The following SCLT1 variants were observed in gnomAD, a reference collection of about 807,000 sequenced individuals.
SCLT1 encodes sodium channel and clathrin linker 1, also known as sodium channel-associated protein 1.
A neutral mutation model predicts 112.8 loss-of-function variants in SCLT1; 78 were observed. That is an observed-to-expected ratio of 0.69 (90% CI 0.58 to 0.83). The LOEUF is 0.83. SCLT1 is among the 40% of genes least tolerant of loss of function. SCLT1 has a pLI of 0.00. For synonymous variants in SCLT1, 257 were observed against 254.7 expected (o/e 1.01, Z -0.09); for missense variants, 747 against 770.4 (o/e 0.97, Z 0.36).
chr4:128,992,459 T>C (rs908840189), intron 8 of SCLT1, among the ~76,000 whole-genome samples: 2 of 151,962 alleles, frequency 1.3e-5, no homozygotes, highest in African/African-American at 4.8e-5. Context: ...TCCTGTCTTA[T>C]GGCTTTCTTT....
chr4:129,010,312 C>T (rs113378841), intron 5 of SCLT1, among the ~76,000 whole-genome samples: 10,161 of 152,270 alleles, frequency 0.067, 448 homozygotes, highest in Non-Finnish European at 0.1. Context: ...GTTTTGGTTA[C>T]TGTAGCCCTG....
chr4:128,917,260 C>T (rs766109795), intron 18 of SCLT1, among the ~76,000 whole-genome samples: 51 of 152,142 alleles, frequency 3.4e-4, no homozygotes, highest in Non-Finnish European at 5.6e-4. Context: ...AAAACTCTTT[C>T]CATTTTCTCT....
chr4:129,012,239 C>T (rs918962834), intron 5 of SCLT1, among the ~76,000 whole-genome samples: 5 of 152,146 alleles, frequency 3.3e-5, no homozygotes, highest in African/African-American at 4.8e-5. Flanking sequence ...TATCTTTGTT[C>T]TCATTAGTTT....
chr4:128,900,477 T>G (rs1453287183), intron 18 of SCLT1, among the ~76,000 whole-genome samples: 1 of 152,114 alleles, frequency 6.6e-6, no homozygotes, highest in Non-Finnish European at 1.5e-5. Context: ...TAGCCATATG[T>G]AGAAAGCTGA....
intron 5 of SCLT1, among the ~76,000 whole-genome samples, chr4:129,007,796 A>C (rs766979319): frequency 6.6e-5 from 10 of 152,144 alleles, no homozygotes; most frequent in Non-Finnish European, 1.3e-4. Context: ...CTTTAAAAAA[A>C]CAAAACAAAA....
intron 18 of SCLT1, among the ~76,000 whole-genome samples, chr4:128,904,596 C>A (rs1017724847): frequency 3.9e-5 from 6 of 152,062 alleles, no homozygotes; most frequent in African/African-American, 7.2e-5. Context: ...CCACGTTGTA[C>A]CAGTCTTTTA....
Position 129,039,900 on chromosome 4 carries a change from G to GCGCACA in SCLT1, c.235-805_235-804insTGTGCG, listed in dbSNP as rs1233253067. 2.6e-3 allele frequency: 561 copies of GCGCACA among 218,974 alleles called. 2 individuals carry two copies. The highest frequency in any genetic ancestry group is 4.1e-3 in the Non-Finnish European group (440 of 108,308). The allele number at this position is 218,974 out of a possible 1,614,324, so 13.6% of individuals were successfully genotyped here. A position where few individuals can be genotyped will look rare whatever the true frequency, so the allele number is the denominator to read the frequency against. ...GAGCAAATGGAGAGTGTGCGCGCGC[G>GCGCACA]CACACACACACACACACACACACAC... On this transcript the variant is annotated intron_variant, in intron 4 of 20. Coordinates refer to ENST00000281142, the MANE Select transcript of SCLT1 (RefSeq NM_144643.4).
intron 18 of SCLT1, among the ~76,000 whole-genome samples, chr4:128,894,488 G>A (rs318510): frequency 0.73 from 110,234 of 151,504 alleles, 40,409 homozygotes; most frequent in African/African-American, 0.82. Context: ...TGGAAAGCTA[G>A]CAATTAAATT....
chr4:129,081,329 G>T (rs937636592), intron 2 of SCLT1, among the ~76,000 whole-genome samples: 1 of 152,238 alleles, frequency 6.6e-6, no homozygotes, highest in African/African-American at 2.4e-5. Flanking sequence ...TGGGCCATGA[G>T]CAAGGCTCTA....
chr4:129,066,362 A>G (rs898391271), intron 2 of SCLT1, among the ~76,000 whole-genome samples: 8 of 152,144 alleles, frequency 5.3e-5, no homozygotes, highest in African/African-American at 1.9e-4. Flanking sequence ...ATAAAAACAA[A>G]AGTGAGATGT....
At chr4:129,001,032 A>C (rs1350259724) in intron 6 of SCLT1, among the ~76,000 whole-genome samples, 2 of 152,074 alleles carry the variant, frequency 1.3e-5, no homozygotes, top group African/African-American at 2.4e-5. Context: ...ATATGGAGCC[A>C]GAAGATATGG....
At position 128,977,229 on chromosome 4, in the gene SCLT1, G is replaced by A. The variant is rs144041270; in HGVS notation, c.687-6761C>T. Among the ~76,000 whole-genome samples, 15 of 152,262 alleles carry A rather than the reference G, an allele frequency of 9.9e-5. No homozygotes were observed. In the East Asian group the frequency reaches 2.5e-3, roughly 25 times the overall value. On this transcript the variant is annotated intron_variant, in intron 9 of 20. Transcript: ENST00000281142. The stretch of plus-strand genomic sequence containing the variant: ...TTTATTGAATGCTTATAACATGCCC[G>A]ACACTGTGAATATAATTTGGACATG...
At chr4:129,047,535 C>A (rs1428375406) in intron 2 of SCLT1, among the ~76,000 whole-genome samples, 1 of 151,986 alleles carries the variant, frequency 6.6e-6, no homozygotes, top group East Asian at 1.9e-4. Flanking sequence ...CAAAATAGTT[C>A]TAGTTTTAAT....
intron 2 of SCLT1, among the ~76,000 whole-genome samples, chr4:129,062,470 A>AACTTACTT (rs1180536859): frequency 5.9e-5 from 9 of 152,076 alleles, no homozygotes; most frequent in Non-Finnish European, 1.3e-4. Flanking sequence ...CTTGACTATA[A>AACTTACTT]ACTTACTTTT....
intron 5 of SCLT1, among the ~76,000 whole-genome samples, chr4:129,032,768 C>G (rs1259420312): frequency 6.6e-6 from 1 of 151,482 alleles, no homozygotes; most frequent in Admixed American, 6.6e-5. Context: ...AAATGCGAAT[C>G]AGAACTACAA....
chr4:129,008,320 TTTC>T (rs562533757), intron 5 of SCLT1, among the ~76,000 whole-genome samples: 166 of 152,300 alleles, frequency 1.1e-3, no homozygotes, highest in African/African-American at 3.8e-3. Flanking sequence ...ACAGTTTTGG[TTTC>T]TTTTCTTTTC....
At chr4:128,915,406 C>T (rs1467249934) in intron 18 of SCLT1, among the ~76,000 whole-genome samples, 3 of 152,116 alleles carry the variant, frequency 2.0e-5, no homozygotes, top group Non-Finnish European at 4.4e-5. Context: ...ACTATTTCAC[C>T]CAATTAATCC....
At position 129,039,095 on chromosome 4, in the gene SCLT1, T is replaced by A; in HGVS notation, c.236A>T (p.Lys79Ile). 6.3e-7 allele frequency: 1 copy of A among 1,597,276 alleles called. No homozygotes were observed. The highest frequency in any genetic ancestry group is 2.2e-5 in the East Asian group (1 of 44,686). ...ELNGQLKYYQ[K>I]QVGEMKLQLE... is the part of the protein sequence containing the mutation. ...TTGTAATTTCATCTCACCCACCTGT[T>A]TCTGAAAGAATAAAATATGGTGTGG... Residue 79 changes from lysine to isoleucine, a missense_variant and splice_region_variant, in exon 5 of 21, where the codon AAA becomes ATA. Physicochemically the swap from Lys to Ile is moderately radical, Grantham distance 102 (BLOSUM62 -3). Coordinates refer to ENST00000281142, the MANE Select transcript of SCLT1 (RefSeq NM_144643.4).
chr4:129,037,326 T>A (rs961686738), intron 5 of SCLT1: 4 of 152,156 alleles, frequency 2.6e-5, no homozygotes, highest in African/African-American at 9.7e-5. Flanking sequence ...CAAAACTACA[T>A]TGCCCAGATG....
Sources: gnomAD v4.1 joint callset for allele counts (sites outside exome capture counted in the v4.1 genomes callset) on GRCh38, gnomAD v4.1.1 for gene constraint, MANE v1.5 for transcripts, NCBI Gene and HGNC (gene_info 2026-07-23, HGNC 2026-07-21) for gene names.